SMC5: variants seen among roughly 807,000 people sequenced by gnomAD.
SMC5 encodes structural maintenance of chromosomes protein 5.
Under a neutral mutation model 148.3 loss-of-function variants are expected in SMC5, and 88 were observed. The ratio of observed to expected loss-of-function variants is 0.59; its 90% CI spans 0.50 to 0.71. SMC5 has a LOEUF of 0.71. Ranked by LOEUF, SMC5 falls within the 30% of genes least tolerant of loss-of-function variation. The pLI, the probability that SMC5 is intolerant of heterozygous loss-of-function variation, is 0.00. For synonymous variants in SMC5, 421 were observed against 432.8 expected, an observed-to-expected ratio of 0.97 and a Z score of 0.34; for missense variants, 1,142 against 1,298.9, an observed-to-expected ratio of 0.88 and a Z score of 1.86.
chr9:70,346,457 C>T, intron 18 of SMC5, 148 bp from the exon 19 acceptor site: 1 of 789,668 alleles, frequency 1.3e-6, no homozygotes, highest in Non-Finnish European at 2.1e-6. Flanking sequence ...GGCATGGACT[C>T]AGAAGATAGT....
chr9:70,347,837 A>T, intron 21 of SMC5, 82 bp from the exon 22 acceptor site: 10 of 1,365,550 alleles, frequency 7.3e-6, no homozygotes, highest in Non-Finnish European at 1.0e-5. Context: ...ACTGATACTG[A>T]TATAAAATTT....
At chr9:70,309,823 A>G (rs996099051) in intron 11 of SMC5, among the ~76,000 whole-genome samples, 3 of 152,196 alleles carry the variant, frequency 2.0e-5, no homozygotes, top group African/African-American at 7.2e-5. Flanking sequence ...CCATGAATCA[A>G]AAATGTTCTT....
At chr9:70,319,040 C>T (rs892022249) in intron 15 of SMC5, 77 bp downstream of exon 15, 3 of 1,284,874 alleles carry the variant, frequency 2.3e-6, no homozygotes, top group Non-Finnish European at 3.1e-6. Flanking sequence ...GTAATAACAA[C>T]AGCATTTCCA....
rs796403883 is a variant in SMC5, at chr9:70,345,178, AT to A, written c.2523+919del. 1.7e-3 allele frequency among the ~76,000 whole-genome samples: 247 copies of A among 144,384 alleles called. 2 individuals are homozygous for A. Among genetic ancestry groups the A allele is most frequent in the Non-Finnish European group, 2.0e-3 (126 of 64,506 alleles). The allele number at this position is 144,384 out of a possible 152,430, so 94.7% of individuals were successfully genotyped here. On this transcript the variant is annotated intron_variant, in intron 18 of 24. Transcript: ENST00000361138. The stretch of plus-strand genomic sequence containing the variant: ...AAATAAATATAAGTACAATCTACTA[AT>A]TTTTTTTTTCAGAAAAAGCATGATT...
At position 70,297,959 on chromosome 9, in the gene SMC5, T is replaced by G. The variant is rs745564734; in HGVS notation, c.1054-7T>G. On this transcript the variant is annotated splice_polypyrimidine_tract_variant and splice_region_variant and intron_variant, in intron 8 of 24. Coordinates refer to ENST00000361138, the MANE Select transcript of SMC5 (RefSeq NM_015110.4). The stretch of plus-strand genomic sequence containing the variant: ...TCTCAAGTACTAACCTACTTTTGTT[T>G]TATTAGATTGAGGAACTTCAGCAGG... The G allele has an allele frequency of 1.2e-6, 2 of 1,608,092 alleles. No individual in the cohort carries two copies. Among genetic ancestry groups the G allele is most frequent in the East Asian group, 4.5e-5 (2 of 44,840 alleles).
intron 7 of SMC5, among the ~76,000 whole-genome samples, chr9:70,285,913 C>T (rs1374515794): frequency 1.3e-5 from 2 of 151,970 alleles, no homozygotes; most frequent in Non-Finnish European, 2.9e-5. Flanking sequence ...TAATATTTGT[C>T]CTGATTATCC....
chr9:70,286,314 C>G (rs778555275), intron 8 of SMC5, 43 bp downstream of exon 8: 1 of 1,299,264 alleles, frequency 7.7e-7, no homozygotes, highest in Admixed American at 1.8e-5. Flanking sequence ...AAAGTTTGCT[C>G]TAACTTTTGT....
intron 13 of SMC5, among the ~76,000 whole-genome samples, chr9:70,316,369 C>G (rs1211535475): frequency 6.6e-6 from 1 of 151,864 alleles, no homozygotes; most frequent in Non-Finnish European, 1.5e-5. Context: ...TAAGATGATT[C>G]ATTTGGGGGC....
At chr9:70,308,016 C>T (rs769047654) in intron 11 of SMC5, among the ~76,000 whole-genome samples, 9 of 152,034 alleles carry the variant, frequency 5.9e-5, no homozygotes, top group African/African-American at 2.2e-4. Context: ...TTTTAGACAC[C>T]GAGCTCTGGA....
At chr9:70,265,706 A>G (rs1407125451) in intron 2 of SMC5, among the ~76,000 whole-genome samples, 14 of 152,258 alleles carry the variant, frequency 9.2e-5, no homozygotes, top group Non-Finnish European at 1.0e-4. Flanking sequence ...TGCAAAAGAA[A>G]GTAGATGTAG....
In SMC5 at chr9:70,277,534, G is replaced by A. The variant is rs141041598; in HGVS notation, c.543+62G>A. The A allele has an allele frequency of 8.6e-3, 11,536 of 1,345,598 alleles. 82 individuals are homozygous for A. The highest frequency in any genetic ancestry group is 0.01 in the Non-Finnish European group (10,236 of 1,003,238). 83.4% of individuals were successfully genotyped at this position (1,345,598 alleles called of 1,614,324 possible). A position where few individuals can be genotyped will look rare whatever the true frequency, so the allele number is the denominator to read the frequency against. ...GTATATAGTGTTTCCTTTTTATGCC[G>A]TTGAAGGGATATCATAATGACTGCT... On this transcript the variant is annotated intron_variant, in intron 4 of 24. Transcript: ENST00000361138.
chr9:70,317,718 G>A (rs1168900649), intron 13 of SMC5, among the ~76,000 whole-genome samples: 1 of 152,100 alleles, frequency 6.6e-6, no homozygotes, highest in Non-Finnish European at 1.5e-5. Flanking sequence ...TGGTATGGTT[G>A]TGGTATTTAT....
At chr9:70,347,307 A>G (rs2036689675) in intron 20 of SMC5, 146 bp downstream of exon 20, 1 of 600,516 alleles carries the variant, frequency 1.7e-6, no homozygotes, top group Non-Finnish European at 2.9e-6. Context: ...GACAGCAGGA[A>G]CAATGTACTT....
rs2036016282 is a variant in SMC5, at chr9:70,324,096, T to C, written c.2350T>C (p.Leu784=). Residue 784 remains leucine (L), a synonymous_variant, in exon 17 of 25, where the codon TTA becomes CTA. Coordinates refer to ENST00000361138, the MANE Select transcript of SMC5 (RefSeq NM_015110.4). ...TACAGTGATCTCTGAGAAGAACAAA[T>C]TAGAATCAGATTATATGGCCGCATC... ...NTTVISEKNK[L]ESDYMAASSQ... 16 of 1,600,194 alleles carry C rather than the reference T, an allele frequency of 1.0e-5. No homozygotes were observed. In the East Asian group the frequency reaches 3.6e-4, roughly 36 times the overall value.
At chr9:70,339,285 C>T (rs1216776806) in intron 17 of SMC5, among the ~76,000 whole-genome samples, 6 of 151,918 alleles carry the variant, frequency 3.9e-5, no homozygotes, top group South Asian at 4.2e-4. Flanking sequence ...AAAAATTAGC[C>T]GGGTGTGGTG....
intron 3 of SMC5, among the ~76,000 whole-genome samples, chr9:70,272,150 A>G (rs2034466058): frequency 6.6e-6 from 1 of 152,122 alleles, no homozygotes; most frequent in African/African-American, 2.4e-5. Flanking sequence ...AGAGTATGGG[A>G]GAAGGAGCAA....
In SMC5 at chr9:70,328,079, A is replaced by G. The variant is rs571683326; in HGVS notation, c.2397+3936A>G. 5.9e-5 allele frequency among the ~76,000 whole-genome samples: 9 copies of G among 152,126 alleles called. No homozygotes were observed. The South Asian group carries it at 1.5e-3, about 25-fold the overall frequency. ...AAGGGGAATCCGCCCCCATTATCCA[A>G]TCACCTCCCACCAAGATCCTCCCTC... On this transcript the variant is annotated intron_variant, in intron 17 of 24. Coordinates refer to ENST00000361138, the MANE Select transcript of SMC5 (RefSeq NM_015110.4).
intron 15 of SMC5, among the ~76,000 whole-genome samples, chr9:70,323,197 A>G (rs1403502004): frequency 2.0e-5 from 3 of 152,132 alleles, no homozygotes; most frequent in African/African-American, 7.2e-5. Context: ...AAAATTGAGA[A>G]CATACTATTA....
chr9:70,352,730 G>A lies in SMC5; in HGVS notation c.*399G>A, dbSNP rs1363671870. 6.4e-6 allele frequency: 1 copy of A among 156,820 alleles called. No homozygotes were observed. The allele number at this position is 156,820 out of a possible 1,614,324, so 9.7% of individuals were successfully genotyped here. ...GCCTAAAGATGACTCTAGAGCCTAA[G>A]TCCTAGTTTCTCCCAATGTTATATT... On this transcript the variant is annotated 3_prime_UTR_variant, in exon 25 of 25. Coordinates refer to ENST00000361138, the MANE Select transcript of SMC5 (RefSeq NM_015110.4).
Sources: gnomAD v4.1 joint callset for allele counts (sites outside exome capture counted in the v4.1 genomes callset) on GRCh38, gnomAD v4.1.1 for gene constraint, MANE v1.5 for transcripts, NCBI Gene and HGNC (gene_info 2026-07-23, HGNC 2026-07-21) for gene names.